The following OOSP3 variants were observed in gnomAD, a reference collection of about 807,000 sequenced individuals.
The protein encoded by OOSP3 is oocyte secreted protein family member 3.
intron 2 of OOSP3, among the ~76,000 whole-genome samples, chr11:59,887,372 A>G (rs1853272528): frequency 6.6e-6 from 1 of 152,156 alleles, no homozygotes; most frequent in South Asian, 2.1e-4. Flanking sequence ...ATCTTTGCAC[A>G]TGTGTATGAC....
chr11:59,894,309 G>A, intron 3 of OOSP3, 133 bp downstream of exon 3: 5 of 393,462 alleles, frequency 1.3e-5, no homozygotes, highest in Non-Finnish European at 1.3e-5. Context: ...TCTGTGCAAT[G>A]ATGAGGTATT....
At chr11:59,881,764 G>GTAATCCCT (rs1853203660) in intron 2 of OOSP3, among the ~76,000 whole-genome samples, 1 of 152,160 alleles carries the variant, frequency 6.6e-6, no homozygotes, top group Non-Finnish European at 1.5e-5. Context: ...CAGTAACTCA[G>GTAATCCCT]GAGGCTGAGA....
At chr11:59,890,686 C>G (rs1232265327) in intron 2 of OOSP3, among the ~76,000 whole-genome samples, 5 of 152,124 alleles carry the variant, frequency 3.3e-5, no homozygotes, top group Admixed American at 1.3e-4. Context: ...GTTACCTGGC[C>G]TTTCTCTCTG....
At chr11:59,892,582 G>A (rs1407084768) in intron 2 of OOSP3, among the ~76,000 whole-genome samples, 3 of 151,788 alleles carry the variant, frequency 2.0e-5, no homozygotes, top group African/African-American at 7.3e-5. Context: ...GGTGATGCCT[G>A]GACTTTCTTT....
At chr11:59,893,140 G>A (rs1055985238) in intron 2 of OOSP3, among the ~76,000 whole-genome samples, 10 of 152,010 alleles carry the variant, frequency 6.6e-5, no homozygotes, top group Non-Finnish European at 1.2e-4. Flanking sequence ...CAATAGCAAC[G>A]CAATGGGAAA....
chr11:59,886,344 G>T (rs536163592), intron 2 of OOSP3, among the ~76,000 whole-genome samples: 66 of 152,334 alleles, frequency 4.3e-4, no homozygotes, highest in African/African-American at 1.3e-3. Flanking sequence ...GAATAGTGCT[G>T]CAATGAACAT....
chr11:59,879,492 T>C (rs1463550807), intron 1 of OOSP3, among the ~76,000 whole-genome samples: 1 of 152,154 alleles, frequency 6.6e-6, no homozygotes, highest in African/African-American at 2.4e-5. Context: ...ATAAAATACA[T>C]ATAATTTTGT....
intron 2 of OOSP3, among the ~76,000 whole-genome samples, chr11:59,887,124 G>GT (rs71036546): frequency 0.011 from 1,571 of 142,580 alleles, 11 homozygotes; most frequent in Non-Finnish European, 0.015. Flanking sequence ...TTTTTTTGTT[G>GT]TTTTTTTTTT....
At chr11:59,879,619 C>T (rs1264142049) in intron 1 of OOSP3, among the ~76,000 whole-genome samples, 1 of 151,998 alleles carries the variant, frequency 6.6e-6, no homozygotes, top group South Asian at 2.1e-4. Context: ...AATTAATAGA[C>T]ACAAAATGAA....
intron 2 of OOSP3, among the ~76,000 whole-genome samples, chr11:59,890,489 T>C (rs1853301030): frequency 1.3e-5 from 2 of 152,162 alleles, no homozygotes; most frequent in African/African-American, 4.8e-5. Flanking sequence ...TGAGATCCTT[T>C]AGCATTTGCT....
At chr11:59,883,491 G>A (rs183372233) in intron 2 of OOSP3, among the ~76,000 whole-genome samples, 5 of 152,244 alleles carry the variant, frequency 3.3e-5, no homozygotes, top group African/African-American at 1.2e-4. Context: ...CTGCCTTAGC[G>A]ATATTGCCAC....
At chr11:59,890,473 T>C (rs1002674491) in intron 2 of OOSP3, among the ~76,000 whole-genome samples, 1 of 152,204 alleles carries the variant, frequency 6.6e-6, no homozygotes, top group East Asian at 1.9e-4. Context: ...GAAGGCCTTC[T>C]GGTGATGAGA....
intron 2 of OOSP3, among the ~76,000 whole-genome samples, chr11:59,884,026 A>G (rs1853226164): frequency 1.3e-5 from 2 of 152,234 alleles, no homozygotes. Flanking sequence ...TTCTGGATTC[A>G]TATACAGGTC....
At chr11:59,886,419 G>GTTTGATCA (rs1565219316) in intron 2 of OOSP3, among the ~76,000 whole-genome samples, 7 of 152,158 alleles carry the variant, frequency 4.6e-5, no homozygotes, top group Admixed American at 3.3e-4. Context: ...TAAAGGGATT[G>GTTTGATCA]TTTGATCAAA....
intron 2 of OOSP3, among the ~76,000 whole-genome samples, chr11:59,885,687 A>C (rs971986040): frequency 1.3e-5 from 2 of 152,038 alleles, no homozygotes; most frequent in Admixed American, 1.3e-4. Flanking sequence ...TCCATGGTGC[A>C]TATGTACCAC....
rs144668588 is a variant in OOSP3, at chr11:59,896,252, C to T, written c.*39C>T. The T allele has an allele frequency of 1.5e-4, 60 of 398,228 alleles. No individual in the cohort carries two copies. The Middle Eastern group carries it at 1.9e-3, about 13-fold the overall frequency. The allele number at this position is 398,228 out of a possible 1,614,324, so 24.7% of individuals were successfully genotyped here. On this transcript the variant is annotated 3_prime_UTR_variant, in exon 5 of 5. Transcript: ENST00000646438. ...AATCCTGAAAACTCTGTTGCTACAG[C>T]TTACTTAAAATTTAATTTTTGAACC...
intron 2 of OOSP3, among the ~76,000 whole-genome samples, chr11:59,888,702 T>C (rs1287937196): frequency 6.6e-6 from 1 of 152,244 alleles, no homozygotes; most frequent in African/African-American, 2.4e-5. Flanking sequence ...AGTTTGCCAG[T>C]ATTTTATTGA....
chr11:59,885,553 A>C (rs1009792922), intron 2 of OOSP3, among the ~76,000 whole-genome samples: 1 of 152,050 alleles, frequency 6.6e-6, no homozygotes, highest in African/African-American at 2.4e-5. Context: ...TCCCACTTAT[A>C]AGTGAAAACA....
intron 2 of OOSP3, among the ~76,000 whole-genome samples, chr11:59,891,434 G>A (rs1853311564): frequency 6.6e-6 from 1 of 152,134 alleles, no homozygotes; most frequent in African/African-American, 2.4e-5. Flanking sequence ...GACCTTTGAG[G>A]CTGTTGACCT....
Sources: gnomAD v4.1 joint callset for allele counts (sites outside exome capture counted in the v4.1 genomes callset) on GRCh38, gnomAD v4.1.1 for gene constraint, MANE v1.5 for transcripts, NCBI Gene and HGNC (gene_info 2026-07-23, HGNC 2026-07-21) for gene names.